GFRA1: variants seen among roughly 807,000 people sequenced by gnomAD.
The protein encoded by GFRA1 is GDNF family receptor alpha 1.
A neutral mutation model predicts 51.6 loss-of-function variants in GFRA1; 16 were observed. That is an observed-to-expected ratio of 0.31 (90% CI 0.21 to 0.47). The LOEUF is 0.47. Ranked by LOEUF, GFRA1 falls within the 20% of genes least tolerant of loss-of-function variation. GFRA1 has a pLI of 1.00. For synonymous variants in GFRA1, 270 were observed against 241.3 expected, an observed-to-expected ratio of 1.12 and a Z score of -1.10; for missense variants, 530 against 594.3, an observed-to-expected ratio of 0.89 and a Z score of 1.13.
chr10:116,154,269 G>A (rs1959164814), intron 5 of GFRA1, among the ~76,000 whole-genome samples: 1 of 152,208 alleles, frequency 6.6e-6, no homozygotes, highest in Non-Finnish European at 1.5e-5. Context: ...AGACACAAAT[G>A]AGAATTTTCA....
intron 6 of GFRA1, among the ~76,000 whole-genome samples, chr10:116,119,259 G>A (rs1380133648): frequency 1.3e-5 from 2 of 152,110 alleles, no homozygotes; most frequent in Non-Finnish European, 2.9e-5. Flanking sequence ...CTTCTCTCAG[G>A]GTCTTGATGA....
intron 4 of GFRA1, among the ~76,000 whole-genome samples, chr10:116,220,497 C>T (rs1384490406): frequency 6.6e-6 from 1 of 152,194 alleles, no homozygotes; most frequent in Non-Finnish European, 1.5e-5. Flanking sequence ...TGATCATTAT[C>T]AGGATGGACA....
intron 6 of GFRA1, among the ~76,000 whole-genome samples, chr10:116,119,614 G>A (rs1957562387): frequency 6.6e-6 from 1 of 152,102 alleles, no homozygotes; most frequent in South Asian, 2.1e-4. Context: ...TTTCTCCTGC[G>A]CTTGCTGCAT....
intron 9 of GFRA1, among the ~76,000 whole-genome samples, chr10:116,087,032 G>A (rs964729877): frequency 1.3e-5 from 2 of 152,184 alleles, no homozygotes; most frequent in Non-Finnish European, 2.9e-5. Flanking sequence ...TGGCCAGGCG[G>A]TCACAAACTC....
At chr10:116,244,357 T>G (rs1319070547) in intron 4 of GFRA1, among the ~76,000 whole-genome samples, 1 of 148,056 alleles carries the variant, frequency 6.8e-6, no homozygotes, top group Non-Finnish European at 1.5e-5. Context: ...TTTATTTCAT[T>G]TAACTTTAAT....
chr10:116,264,822 A>G (rs941676422), intron 4 of GFRA1, among the ~76,000 whole-genome samples: 1 of 152,184 alleles, frequency 6.6e-6, no homozygotes, highest in African/African-American at 2.4e-5. Context: ...GCCAGAGTAA[A>G]TAACAGGAAA....
Position 116,165,283 on chromosome 10 carries a change from T to C in GFRA1, c.434-39726A>G, listed in dbSNP as rs537117092. On this transcript the variant is annotated intron_variant, in intron 5 of 10. Transcript: ENST00000355422. ...TGTGGCGACATTTTGTCTCCATCTC[T>C]CAACTATCCTCCCCCTATTGTGGAT... Among the ~76,000 whole-genome samples, 5 of 152,306 alleles carry C rather than the reference T, an allele frequency of 3.3e-5. No individual in the cohort carries two copies. The South Asian group carries it at 1.0e-3, about 32-fold the overall frequency.
At chr10:116,159,188 T>G (rs1309984183) in intron 5 of GFRA1, among the ~76,000 whole-genome samples, 1 of 152,124 alleles carries the variant, frequency 6.6e-6, no homozygotes, top group Admixed American at 6.5e-5. Flanking sequence ...AAAGTCAGGA[T>G]CCCTAGTAGA....
At chr10:116,196,603 AT>A (rs1963817490) in intron 5 of GFRA1, among the ~76,000 whole-genome samples, 1 of 52,770 alleles carries the variant, frequency 1.9e-5, no homozygotes, top group African/African-American at 6.8e-5. Context: ...TATAATATAT[AT>A]ATAGTACTAT....
intron 4 of GFRA1, among the ~76,000 whole-genome samples, chr10:116,224,774 ACT>A (rs1294184006): frequency 6.6e-6 from 1 of 151,914 alleles, no homozygotes; most frequent in Non-Finnish European, 1.5e-5. Context: ...TGAATAGAAA[ACT>A]CTGAATATAC....
At chr10:116,262,697 G>A (rs1447162406) in intron 4 of GFRA1, among the ~76,000 whole-genome samples, 1 of 152,166 alleles carries the variant, frequency 6.6e-6, no homozygotes, top group Non-Finnish European at 1.5e-5. Context: ...ATGGATTGCT[G>A]AGGGGCAGGA....
intron 6 of GFRA1, among the ~76,000 whole-genome samples, chr10:116,103,957 G>A (rs910925706): frequency 6.6e-6 from 1 of 152,176 alleles, no homozygotes; most frequent in East Asian, 1.9e-4. Flanking sequence ...ATTTGCCTAG[G>A]AGTAGGCTAC....
In GFRA1 at chr10:116,064,040, C is replaced by CATCATGATCATGATG. The variant is rs1954957742; in HGVS notation, c.*357_*358insCATCATGATCATGAT. The CATCATGATCATGATG allele has an allele frequency of 1.4e-5, 1 of 72,320 alleles. No homozygotes were observed. Among genetic ancestry groups the CATCATGATCATGATG allele is most frequent in the African/African-American group, 3.2e-4 (1 of 3,162 alleles). The allele number at this position is 72,320 out of a possible 1,614,324, so 4.5% of individuals were successfully genotyped here. On this transcript the variant is annotated 3_prime_UTR_variant, in exon 11 of 11. Coordinates refer to ENST00000355422, the MANE Select transcript of GFRA1 (RefSeq NM_005264.8). Reference sequence around the variant, plus strand: ...AGGCCAGAAGTAAAACTGTTAAAATCATCATCATGATCATGATGATCATCA... The same window carrying CATCATGATCATGATG: ...AGGCCAGAAGTAAAACTGTTAAAATCATCATGATCATGATGATCATCATGATCATGATGATCATCA...
chr10:116,269,132 C>A (rs1969893056), intron 4 of GFRA1, among the ~76,000 whole-genome samples: 1 of 152,136 alleles, frequency 6.6e-6, no homozygotes. Flanking sequence ...GATCCCATTT[C>A]CAGGGAGGCA....
intron 5 of GFRA1, 71 bp downstream of exon 5, chr10:116,211,560 T>G: frequency 7.4e-7 from 1 of 1,353,606 alleles, no homozygotes; most frequent in Non-Finnish European, 1.0e-6. Context: ...TAACCCTCTG[T>G]ACACAGACCA....
At chr10:116,242,520 C>A (rs1414277255) in intron 4 of GFRA1, among the ~76,000 whole-genome samples, 1 of 150,582 alleles carries the variant, frequency 6.6e-6, no homozygotes, top group Non-Finnish European at 1.5e-5. Context: ...CGTGATGTGT[C>A]GCCCAGGCTG....
intron 6 of GFRA1, among the ~76,000 whole-genome samples, chr10:116,114,678 C>A (rs887383925): frequency 2.6e-5 from 4 of 152,148 alleles, no homozygotes; most frequent in African/African-American, 4.8e-5. Context: ...AGACTACAGG[C>A]ACATACCACC....
chr10:116,088,978 A>G (rs533800624), intron 9 of GFRA1, among the ~76,000 whole-genome samples: 1 of 152,028 alleles, frequency 6.6e-6, no homozygotes. Flanking sequence ...TGAACATACA[A>G]ATAGGAGATG....
In GFRA1 at chr10:116,072,556, T is replaced by C. The variant is rs377489994; in HGVS notation, c.1198-6930A>G. Among the ~76,000 whole-genome samples, 134 of 152,094 alleles carry C rather than the reference T, an allele frequency of 8.8e-4. 1 individual carries two copies. In the South Asian group the frequency reaches 0.027, roughly 30 times the overall value. ...GTGGGTGGATCATGAGGTCAGGAGT[T>C]CGAGACCAGCCTAGCCAGCATGGTG... is the stretch of plus-strand genomic sequence containing the variant. On this transcript the variant is annotated intron_variant, in intron 9 of 10. Transcript: ENST00000355422.
Sources: gnomAD v4.1 joint callset for allele counts (sites outside exome capture counted in the v4.1 genomes callset) on GRCh38, gnomAD v4.1.1 for gene constraint, MANE v1.5 for transcripts, NCBI Gene and HGNC (gene_info 2026-07-23, HGNC 2026-07-21) for gene names.